The following ZDHHC21 variants were observed in gnomAD, a reference collection of about 807,000 sequenced individuals.
The protein encoded by ZDHHC21 is palmitoyltransferase ZDHHC21.
Under a neutral mutation model 34.6 loss-of-function variants are expected in ZDHHC21, and 15 were observed. The ratio of observed to expected loss-of-function variants is 0.43; its 90% CI spans 0.29 to 0.67. The LOEUF (loss-of-function observed/expected upper bound fraction) is 0.67, where lower values mean the gene tolerates loss of function less well. Among genes scored for constraint, ZDHHC21 ranks in the 30% least tolerant of loss-of-function variants. ZDHHC21 has a pLI of 0.14. For synonymous variants in ZDHHC21, 142 were observed against 101.8 expected (o/e 1.40, Z -2.38); for missense variants, 344 against 327.7 (o/e 1.05, Z -0.38).
chr9:14,637,241 C>T (rs1242476059), intron 8 of ZDHHC21, among the ~76,000 whole-genome samples: 1 of 151,816 alleles, frequency 6.6e-6, no homozygotes, highest in African/African-American at 2.4e-5. Flanking sequence ...CATTGAAATA[C>T]AAAGATTATC....
At chr9:14,655,332 G>C (rs4542027) in intron 7 of ZDHHC21, among the ~76,000 whole-genome samples, 143,795 of 152,036 alleles carry the variant, frequency 0.95, 68,030 homozygotes, top group Non-Finnish European at 0.96. Context: ...TTTGTTCCAA[G>C]AGACTTGCAC....
At chr9:14,597,641 T>G in the ZDHHC21 span, among the ~76,000 whole-genome samples, 3 of 151,996 alleles carry the variant, frequency 2.0e-5, no homozygotes, top group African/African-American at 4.8e-5. Flanking sequence ...GCACATACCA[T>G]CCGGGGGTCT....
chr9:14,689,450 A>C (rs1469360149), intron 2 of ZDHHC21, among the ~76,000 whole-genome samples: 1 of 152,212 alleles, frequency 6.6e-6, no homozygotes, highest in Admixed American at 6.5e-5. Flanking sequence ...CAAAGCATAA[A>C]ATACTTGCAC....
chr9:14,626,652 T>C (rs1040162207), intron 8 of ZDHHC21, among the ~76,000 whole-genome samples: 1 of 151,944 alleles, frequency 6.6e-6, no homozygotes, highest in Non-Finnish European at 1.5e-5. Flanking sequence ...TGATAATTTT[T>C]TTAAAAGAGT....
At chr9:14,646,068 A>G (rs1401985994) in intron 7 of ZDHHC21, among the ~76,000 whole-genome samples, 1 of 152,188 alleles carries the variant, frequency 6.6e-6, no homozygotes, top group African/African-American at 2.4e-5. Context: ...AGTGAAACAC[A>G]TGCACATGGA....
At chr9:14,604,855 CT>C in the ZDHHC21 span, among the ~76,000 whole-genome samples, 1 of 152,064 alleles carries the variant, frequency 6.6e-6, no homozygotes, top group Admixed American at 6.6e-5. Flanking sequence ...AACTCTATAC[CT>C]TTTGAACAGC....
At chr9:14,593,028 T>A in the ZDHHC21 span, among the ~76,000 whole-genome samples, 1 of 152,106 alleles carries the variant, frequency 6.6e-6, no homozygotes. Context: ...GGAGGGCAAT[T>A]TATAGCTTTA....
intron 5 of ZDHHC21, among the ~76,000 whole-genome samples, 168 bp downstream of exon 5, chr9:14,672,662 C>T (rs1021336083): frequency 6.6e-6 from 1 of 151,882 alleles, no homozygotes; most frequent in Non-Finnish European, 1.5e-5. Flanking sequence ...GCAGGGGGAG[C>T]AGGGTTGCAA....
intron 7 of ZDHHC21, among the ~76,000 whole-genome samples, chr9:14,651,138 C>T (rs891751163): frequency 1.3e-5 from 2 of 151,760 alleles, no homozygotes; most frequent in African/African-American, 4.8e-5. Context: ...CAGCTGATTT[C>T]CAGCAGGAAC....
intron 3 of ZDHHC21, among the ~76,000 whole-genome samples, chr9:14,675,320 C>T (rs1836176462): frequency 2.0e-5 from 3 of 151,804 alleles, no homozygotes; most frequent in African/African-American, 4.8e-5. Flanking sequence ...GTACCTTTTA[C>T]GTAAAATACA....
chr9:14,670,759 T>C (rs1835294528), intron 5 of ZDHHC21, among the ~76,000 whole-genome samples: 5 of 152,120 alleles, frequency 3.3e-5, no homozygotes. Context: ...CATACATATC[T>C]ATATGTTTAG....
At position 14,616,854 on chromosome 9, in the gene ZDHHC21, G is replaced by A. The variant is rs1373372944; in HGVS notation, c.*2112C>T. On this transcript the variant is annotated 3_prime_UTR_variant, in exon 10 of 10. Coordinates refer to ENST00000380916, the MANE Select transcript of ZDHHC21 (RefSeq NM_178566.6). ...GGGGAACTGAGTACAGAGGGATCAG[G>A]ACCAGGAAAGGTAAAGAGGAAGAGG... 1 of 151,798 alleles carries A rather than the reference G, an allele frequency of 6.6e-6. No individual in the cohort carries two copies. Among genetic ancestry groups the A allele is most frequent in the African/African-American group, 2.4e-5 (1 of 41,396 alleles). The allele number at this position is 151,798 out of a possible 1,614,324, so 9.4% of individuals were successfully genotyped here. A position where few individuals can be genotyped will look rare whatever the true frequency, so the allele number is the denominator to read the frequency against.
chr9:14,660,057 A>G (rs16932127), intron 6 of ZDHHC21, among the ~76,000 whole-genome samples: 6,772 of 152,154 alleles, frequency 0.045, 479 homozygotes, highest in African/African-American at 0.15. Context: ...TTTTTGTAAC[A>G]TCTGCACTAC....
chr9:14,618,913 C>T lies in ZDHHC21; in HGVS notation c.*53G>A. The T allele has an allele frequency of 1.3e-6, 2 of 1,511,444 alleles. No homozygotes were observed. The highest frequency in any genetic ancestry group is 1.8e-6 in the Non-Finnish European group (2 of 1,128,118). The allele number at this position is 1,511,444 out of a possible 1,614,324, so 93.6% of individuals were successfully genotyped here. The stretch of plus-strand genomic sequence containing the variant: ...CTGTCATAGTTCTATTATCATAAAA[C>T]CTGTAACGCATTGCCAGCATGGAGG... On this transcript the variant is annotated 3_prime_UTR_variant, in exon 10 of 10. Coordinates refer to ENST00000380916, the MANE Select transcript of ZDHHC21 (RefSeq NM_178566.6).
At chr9:14,619,519 G>T in intron 9 of ZDHHC21, 120 bp downstream of exon 9, 2 of 859,052 alleles carry the variant, frequency 2.3e-6, no homozygotes, top group East Asian at 6.4e-5. Flanking sequence ...ACAGGCCTCA[G>T]ACAATGCACC....
intron 6 of ZDHHC21, among the ~76,000 whole-genome samples, chr9:14,660,434 C>CGT (rs76976696): frequency 0.22 from 31,957 of 145,588 alleles, 3,715 homozygotes; most frequent in South Asian, 0.37. Context: ...CTTGAGGCAA[C>CGT]GTGAGAATTG....
chr9:14,637,674 C>T (rs780457563), intron 8 of ZDHHC21, among the ~76,000 whole-genome samples: 9 of 151,830 alleles, frequency 5.9e-5, no homozygotes, highest in Non-Finnish European at 1.3e-4. Flanking sequence ...TAATTAAATT[C>T]GGTAAAGTCA....
chr9:14,668,549 T>G (rs1295439048), intron 5 of ZDHHC21, among the ~76,000 whole-genome samples: 1 of 148,608 alleles, frequency 6.7e-6, no homozygotes, highest in East Asian at 2.0e-4. Flanking sequence ...GCCAAGTCAA[T>G]CCTAAGCCAA....
chr9:14,684,317 C>T (rs1313796850), intron 2 of ZDHHC21, among the ~76,000 whole-genome samples: 1 of 151,680 alleles, frequency 6.6e-6, no homozygotes, highest in Admixed American at 6.6e-5. Flanking sequence ...TGTCTCAGCC[C>T]AAAATCTCCT....
Sources: gnomAD v4.1 joint callset for allele counts (sites outside exome capture counted in the v4.1 genomes callset) on GRCh38, gnomAD v4.1.1 for gene constraint, MANE v1.5 for transcripts, NCBI Gene and HGNC (gene_info 2026-07-23, HGNC 2026-07-21) for gene names.